Variants in CSMD1 observed in about 807,000 individuals in gnomAD.
CSMD1 encodes the protein CUB and Sushi multiple domains 1, also known as CUB and sushi domain-containing protein 1.
In CSMD1, 213 loss-of-function variants were observed where a neutral mutation model predicts 417.5. That is an observed-to-expected ratio of 0.51 (90% CI 0.46 to 0.57). The LOEUF is 0.57. CSMD1 is among the 20% of genes least tolerant of loss of function. The pLI, the probability that CSMD1 is intolerant of heterozygous loss-of-function variation, is 0.00. For missense variants in CSMD1, 6,923 were observed against 4,529.7 expected (o/e 1.53, Z -15.17); for synonymous variants, 2,862 against 1,736.8 (o/e 1.65, Z -16.11).
At chr8:4,742,966 T>G (rs371933877) in intron 1 of CSMD1, among the ~76,000 whole-genome samples, 14 of 152,304 alleles carry the variant, frequency 9.2e-5, no homozygotes, top group East Asian at 5.8e-4. Context: ...TATCTACAAC[T>G]AAAGGAGAAA....
chr8:3,961,931 G>A (rs533372577), intron 5 of CSMD1, among the ~76,000 whole-genome samples: 46 of 152,262 alleles, frequency 3.0e-4, no homozygotes, highest in East Asian at 7.7e-4. Context: ...GGGCTTGGGC[G>A]CTTTCTTCCT....
At chr8:3,179,589 T>C (rs903904673) in intron 37 of CSMD1, among the ~76,000 whole-genome samples, 2 of 152,190 alleles carry the variant, frequency 1.3e-5, no homozygotes, top group Admixed American at 6.5e-5. Context: ...ATAATAAGCA[T>C]AGATGAATTA....
At chr8:4,100,205 A>T (rs1217555458) in intron 3 of CSMD1, among the ~76,000 whole-genome samples, 1 of 152,202 alleles carries the variant, frequency 6.6e-6, no homozygotes, top group Non-Finnish European at 1.5e-5. Flanking sequence ...GGTGAGGATT[A>T]AATGAGATTA....
chr8:3,595,835 C>G (rs140627666), intron 8 of CSMD1, among the ~76,000 whole-genome samples: 2 of 152,160 alleles, frequency 1.3e-5, no homozygotes, highest in Non-Finnish European at 2.9e-5. Context: ...TATACAAAGG[C>G]AAAAGCTGTT....
chr8:3,705,929 G>A (rs566468623), intron 7 of CSMD1, among the ~76,000 whole-genome samples: 1 of 152,322 alleles, frequency 6.6e-6, no homozygotes, highest in East Asian at 1.9e-4. Context: ...TCAGCAATAG[G>A]CATGTGGGCA....
At chr8:4,107,799 C>T (rs1322807477) in intron 3 of CSMD1, among the ~76,000 whole-genome samples, 1 of 152,192 alleles carries the variant, frequency 6.6e-6, no homozygotes, top group Non-Finnish European at 1.5e-5. Context: ...TAATAACTGA[C>T]AGGCAATCTG....
chr8:3,852,490 G>A (rs141455751), intron 5 of CSMD1, among the ~76,000 whole-genome samples: 136 of 152,314 alleles, frequency 8.9e-4, no homozygotes, highest in African/African-American at 3.2e-3. Flanking sequence ...CTGGGATATA[G>A]AAGATGCTGA....
At chr8:3,183,948 A>T (rs1283319103) in intron 36 of CSMD1, among the ~76,000 whole-genome samples, 1 of 152,144 alleles carries the variant, frequency 6.6e-6, no homozygotes, top group Non-Finnish European at 1.5e-5. Flanking sequence ...TCTTTTCCTA[A>T]TTCAATGCAT....
intron 7 of CSMD1, among the ~76,000 whole-genome samples, chr8:3,676,605 A>C (rs1354102282): frequency 1.3e-5 from 2 of 152,206 alleles, no homozygotes; most frequent in African/African-American, 4.8e-5. Flanking sequence ...ACTTTTCCTA[A>C]GAAGGTTGCC....
At chr8:3,428,510 GA>G (rs775432157) in intron 12 of CSMD1, among the ~76,000 whole-genome samples, 2 of 151,654 alleles carry the variant, frequency 1.3e-5, no homozygotes, top group African/African-American at 4.8e-5. Context: ...AAATGATGGG[GA>G]AAAAAAAGAC....
intron 3 of CSMD1, among the ~76,000 whole-genome samples, chr8:4,280,767 T>G (rs1459223034): frequency 6.6e-6 from 1 of 152,314 alleles, no homozygotes; most frequent in East Asian, 1.9e-4. Context: ...TAAAAACATG[T>G]TACTATATAT....
intron 12 of CSMD1, among the ~76,000 whole-genome samples, chr8:3,463,491 CCTT>C (rs1563063394): frequency 6.6e-6 from 1 of 152,210 alleles, no homozygotes; most frequent in East Asian, 1.9e-4. Context: ...TGCAGCTTCA[CCTT>C]CTCTTTAGGG....
chr8:3,264,357 A>G (rs1191425926), intron 26 of CSMD1, among the ~76,000 whole-genome samples: 1 of 152,116 alleles, frequency 6.6e-6, no homozygotes, highest in African/African-American at 2.4e-5. Flanking sequence ...ATACAGTGCT[A>G]TTTACTTGTG....
At chr8:3,626,760 T>C (rs1356168759) in intron 7 of CSMD1, among the ~76,000 whole-genome samples, 1 of 150,622 alleles carries the variant, frequency 6.6e-6, no homozygotes, top group Admixed American at 6.6e-5. Context: ...ATATTACCTA[T>C]GTATTCAGAA....
chr8:2,967,183 T>A (rs1012140868), intron 57 of CSMD1, among the ~76,000 whole-genome samples: 3 of 152,338 alleles, frequency 2.0e-5, no homozygotes, highest in South Asian at 2.1e-4. Context: ...TGTATTTTTT[T>A]AAAATCTAGG....
intron 7 of CSMD1, among the ~76,000 whole-genome samples, chr8:3,671,490 TATG>T (rs1347668185): frequency 3.7e-5 from 1 of 26,788 alleles, no homozygotes; most frequent in Non-Finnish European, 6.8e-5. Context: ...TACTCATATA[TATG>T]ATCATATATA....
At chr8:4,162,770 T>G (rs527456134) in intron 3 of CSMD1, among the ~76,000 whole-genome samples, 1 of 152,242 alleles carries the variant, frequency 6.6e-6, no homozygotes, top group Non-Finnish European at 1.5e-5. Flanking sequence ...AAACCCCCAG[T>G]TTACAATAGG....
chr8:4,738,572 G>C (rs1047423247), intron 1 of CSMD1, among the ~76,000 whole-genome samples: 4 of 152,054 alleles, frequency 2.6e-5, no homozygotes, highest in African/African-American at 4.8e-5. Context: ...GATAAGACTT[G>C]AATGGGGACA....
intron 5 of CSMD1, among the ~76,000 whole-genome samples, chr8:3,802,631 G>C (rs1563095551): frequency 6.6e-6 from 1 of 152,124 alleles, no homozygotes; most frequent in Non-Finnish European, 1.5e-5. Flanking sequence ...TAAGCCTTTA[G>C]TAATAAAGCA....
Sources: allele counts gnomAD v4.1 joint callset (sites outside exome capture counted in the v4.1 genomes callset), GRCh38; gene constraint gnomAD v4.1.1; transcripts MANE v1.5; gene names NCBI Gene and HGNC (gene_info 2026-07-23, HGNC 2026-07-21).